CD1A: variants seen among roughly 807,000 people sequenced by gnomAD.
CD1A encodes T-cell surface glycoprotein CD1a.
Under a neutral mutation model 38.3 loss-of-function variants are expected in CD1A, and 50 were observed. That is an observed-to-expected ratio of 1.30 (90% CI 1.04 to 1.65). The LOEUF is 1.65. Among genes scored for constraint, CD1A ranks in the 40% most tolerant of loss-of-function variants. The probability of loss-of-function intolerance (pLI) is 0.00; values close to 1 mark genes in which losing one functional copy is unlikely to be tolerated. For missense variants in CD1A, 459 were observed against 406.1 expected (o/e 1.13, Z -1.12); for synonymous variants, 160 against 150.8 (o/e 1.06, Z -0.45).
chr1:158,256,154 AGCATTTCT>A lies in CD1A; in HGVS notation c.480_487del (p.His160GlnfsTer9). The A allele has an allele frequency of 6.2e-7, 1 of 1,614,214 alleles. No individual in the cohort carries two copies. ...TATCCAGTGGCTGGGAATATGGCCA[AGCATTTCT>A]GCAAAGTGCTCAATCAGAATCAGCA... On this transcript the variant is annotated frameshift_variant, in exon 3 of 6. Transcript: ENST00000289429. LOFTEE classifies it high-confidence loss of function.
In CD1A at chr1:158,255,130, T is replaced by C; in HGVS notation, c.105T>C (p.Phe35=). The C allele has an allele frequency of 6.2e-7, 1 of 1,614,134 alleles. No individual in the cohort carries two copies. The highest frequency in any genetic ancestry group is 8.5e-7 in the Non-Finnish European group (1 of 1,180,034). ...LSFHVTWIAS[F]YNHSWKQNLV... ...TCCATGTCACCTGGATCGCATCCTT[T>C]TACAACCATTCCTGGAAACAAAATC... Residue 35 remains phenylalanine (F), a synonymous_variant, in exon 2 of 6, where the codon TTT becomes TTC. Coordinates refer to ENST00000289429, the MANE Select transcript of CD1A (RefSeq NM_001763.3).
intron 5 of CD1A, 70 bp from the exon 6 acceptor site, chr1:158,257,611 C>T: frequency 6.3e-7 from 1 of 1,577,694 alleles, no homozygotes; most frequent in South Asian, 1.1e-5. Flanking sequence ...TCCCCAGTCC[C>T]CTTCCCTCTT....
chr1:158,257,601 T>C, intron 5 of CD1A, 80 bp from the exon 6 acceptor site: 1 of 1,566,668 alleles, frequency 6.4e-7, no homozygotes. Context: ...AGTTCTTCTC[T>C]CCCCAGTCCC....
chr1:158,256,728 TG>T, intron 3 of CD1A, 57 bp from the exon 4 acceptor site: 1 of 1,554,892 alleles, frequency 6.4e-7, no homozygotes, highest in East Asian at 2.3e-5. Context: ...ACTTCTAAAC[TG>T]TTGTGGAGAT....
At chr1:158,251,798 T>G (rs1650094761), upstream of CD1A, among the ~76,000 whole-genome samples, 1 of 152,064 alleles carries the variant, frequency 6.6e-6, no homozygotes, top group African/African-American at 2.4e-5. Context: ...TCAGCTGCAG[T>G]GGGTTTTCAC....
chr1:158,254,357 T>C, upstream of CD1A: 1 of 1,207,978 alleles, frequency 8.3e-7, no homozygotes, highest in Non-Finnish European at 1.0e-6. Flanking sequence ...ATGTCCTTAG[T>C]GGTTAAGTGG....
rs763775739 is a variant in CD1A at position 158,256,847 on chromosome 1, G to T, written c.666G>T (p.Val222=). The change falls in exon 4 of 6, where the codon GTG becomes GTT. Residue 222 remains valine, a synonymous_variant. Coordinates refer to ENST00000289429, the MANE Select transcript of CD1A (RefSeq NM_001763.3). ...CTGGCCCTGGCCATCTGCAGCTTGT[G>T]TGCCATGTCTCAGGATTCTACCCAA... ...PSPGPGHLQL[V]CHVSGFYPKP... 5.0e-6 allele frequency: 8 copies of T among 1,614,244 alleles called. No individual in the cohort carries two copies. In the South Asian group the frequency reaches 7.7e-5, roughly 16 times the overall value.
chr1:158,253,841 G>A (rs562890034), upstream of CD1A, among the ~76,000 whole-genome samples: 15 of 152,092 alleles, frequency 9.9e-5, no homozygotes, highest in South Asian at 1.0e-3. Context: ...ATTTCATGGC[G>A]TGTTTTTCTC....
At chr1:158,256,682 A>C (rs1650267494) in intron 3 of CD1A, 104 bp from the exon 4 acceptor site, 7 of 1,408,336 alleles carry the variant, frequency 5.0e-6, no homozygotes, top group African/African-American at 1.4e-5. Flanking sequence ...TCTCAAAAAA[A>C]AAAAAAAGAG....
At chr1:158,254,775 C>G in intron 1 of CD1A, 48 bp downstream of exon 1, 1 of 1,080,630 alleles carries the variant, frequency 9.3e-7, no homozygotes, top group Non-Finnish European at 1.4e-6. Flanking sequence ...GAAGGTCTCT[C>G]TCTCTCTCTC....
Position 158,257,662 on chromosome 1 carries a change from T to C in CD1A, c.975-19T>C. The C allele has an allele frequency of 6.8e-6, 11 of 1,613,756 alleles. No homozygotes were observed. Among genetic ancestry groups the C allele is most frequent in the Non-Finnish European group, 9.3e-6 (11 of 1,179,640 alleles). On this transcript the variant is annotated intron_variant, in intron 5 of 5. Transcript: ENST00000289429. ...GCTCCACCTTATTCAGAGTGACTTC[T>C]ATCTCTGTTCTCATCCAGTTTCTGT... is the stretch of plus-strand genomic sequence containing the variant.
chr1:158,252,896 TCAAAACAAAA>T (rs59775988), upstream of CD1A, among the ~76,000 whole-genome samples: 651 of 151,692 alleles, frequency 4.3e-3, 2 homozygotes, highest in African/African-American at 0.015. Context: ...AGACTCTGTC[TCAAAACAAAA>T]CAAAACAAAA....
Position 158,256,904 on chromosome 1 carries a change from G to A in CD1A, c.723G>A (p.Glu241=). ...TGTGGGTGATGTGGATGCGGGGTGA[G>A]CAGGAGCAGCAGGGCACTCAGCGAG... ...KPVWVMWMRG[E]QEQQGTQRGD... Residue 241 remains glutamate (E), a synonymous_variant, in exon 4 of 6, where the codon GAG becomes GAA. Transcript: ENST00000289429. 3 of 1,614,216 alleles carry A rather than the reference G, an allele frequency of 1.9e-6. No homozygotes were observed. The highest frequency in any genetic ancestry group is 2.5e-6 in the Non-Finnish European group (3 of 1,180,036).
chr1:158,254,330 G>A (rs563081637), upstream of CD1A: 58 of 1,173,890 alleles, frequency 4.9e-5, no homozygotes, highest in African/African-American at 8.6e-4. Flanking sequence ...TGCTCTTATT[G>A]TATGATTGAG....
chr1:158,256,640 G>A lies in CD1A; in HGVS notation c.605-146G>A, dbSNP rs188391244. ...AGCTATAATTTATAATTATGCCACT[G>A]CATTGCAGCATAGTGACAGAGTGAG... On this transcript the variant is annotated intron_variant, in intron 3 of 5. Coordinates refer to ENST00000289429, the MANE Select transcript of CD1A (RefSeq NM_001763.3). The A allele has an allele frequency of 7.4e-4, 679 of 914,108 alleles. 4 individuals carry two copies. Among genetic ancestry groups the A allele is most frequent in the Middle Eastern group, 6.8e-4 (2 of 2,960 alleles). 56.6% of individuals were successfully genotyped at this position (914,108 alleles called of 1,614,324 possible).
rs55696033 is a variant in CD1A, at chr1:158,254,785, C to CTGTG, written c.58+103_58+106dup. 1.9e-3 allele frequency: 1,288 copies of CTGTG among 683,880 alleles called. 1 individual carries two copies. The highest frequency in any genetic ancestry group is 2.3e-3 in the Non-Finnish European group (931 of 397,178). The allele number at this position is 683,880 out of a possible 1,614,324, so 42.4% of individuals were successfully genotyped here. A position where few individuals can be genotyped will look rare whatever the true frequency, so the allele number is the denominator to read the frequency against. ...TGGGTGAAGGTCTCTCTCTCTCTCTCTGTGTGTGTGTGTGTGTGTGTGTGT... is the reference window on the plus strand; with the variant it reads ...TGGGTGAAGGTCTCTCTCTCTCTCTCTGTGTGTGTGTGTGTGTGTGTGTGTGTGT... On this transcript the variant is annotated intron_variant, in intron 1 of 5. Transcript: ENST00000289429.
the CD1A span, among the ~76,000 whole-genome samples, chr1:158,249,026 C>T: frequency 6.6e-6 from 1 of 152,220 alleles, no homozygotes; most frequent in Non-Finnish European, 1.5e-5. Context: ...TCCTCTTCTC[C>T]CGCTTCTTCC....
At chr1:158,250,562 C>T (rs746414853), upstream of CD1A, among the ~76,000 whole-genome samples, 6 of 152,144 alleles carry the variant, frequency 3.9e-5, no homozygotes, top group Admixed American at 1.3e-4. Context: ...ACTTTCCATC[C>T]TACAACTCTG....
intron 4 of CD1A, among the ~76,000 whole-genome samples, 174 bp from the exon 5 acceptor site, chr1:158,257,247 T>C (rs1217175412): frequency 6.6e-6 from 1 of 152,068 alleles, no homozygotes; most frequent in Non-Finnish European, 1.5e-5. Context: ...TGCTGAGGGT[T>C]AACTGAAGAA....
Sources: allele counts gnomAD v4.1 joint callset (sites outside exome capture counted in the v4.1 genomes callset), GRCh38; gene constraint gnomAD v4.1.1; transcripts MANE v1.5; gene names NCBI Gene and HGNC (gene_info 2026-07-23, HGNC 2026-07-21).